Variants in UBE3A observed in about 807,000 individuals in gnomAD.
UBE3A encodes the protein ubiquitin protein ligase E3A.
UBE3A carries 6 observed loss-of-function variants against 83.4 expected under a neutral mutation model. The observed-to-expected ratio is 0.07, with a 90% CI of 0.04 to 0.14. UBE3A has a LOEUF of 0.14. Ranked by LOEUF, UBE3A falls within the 10% of genes least tolerant of loss-of-function variation. The pLI, the probability that UBE3A is intolerant of heterozygous loss-of-function variation, is 1.00. For synonymous variants in UBE3A, 337 were observed against 355.4 expected (o/e 0.95, Z 0.58); for missense variants, 456 against 1,036.1 (o/e 0.44, Z 7.69).
At chr15:25,382,348 GT>G (rs915169229) in intron 4 of UBE3A, among the ~76,000 whole-genome samples, 1 of 150,532 alleles carries the variant, frequency 6.6e-6, no homozygotes, top group South Asian at 2.1e-4. Flanking sequence ...GAAAAGAACT[GT>G]TTTTTTCATT....
At chr15:25,431,220 C>T (rs1376241392) in intron 1 of UBE3A, among the ~76,000 whole-genome samples, 1 of 152,086 alleles carries the variant, frequency 6.6e-6, no homozygotes, top group Non-Finnish European at 1.5e-5. Context: ...TAAACATGTT[C>T]AACATGTTAC....
At chr15:25,343,767 T>C (rs769731369) in intron 11 of UBE3A, among the ~76,000 whole-genome samples, 20 of 152,058 alleles carry the variant, frequency 1.3e-4, no homozygotes, top group Admixed American at 2.6e-4. Context: ...CCTTAACATA[T>C]AAAGTTTCTA....
At chr15:25,382,451 G>A (rs2082347993) in intron 4 of UBE3A, among the ~76,000 whole-genome samples, 2 of 150,764 alleles carry the variant, frequency 1.3e-5, no homozygotes. Flanking sequence ...TCTGTAAAAT[G>A]AAAATCTGTT....
chr15:25,403,962 T>C (rs1406296949), intron 4 of UBE3A, among the ~76,000 whole-genome samples: 1 of 152,160 alleles, frequency 6.6e-6, no homozygotes, highest in Non-Finnish European at 1.5e-5. Context: ...AATGAGGAAT[T>C]ATTGTTTAAT....
At chr15:25,435,701 G>A (rs963379897) in intron 1 of UBE3A, among the ~76,000 whole-genome samples, 4 of 152,146 alleles carry the variant, frequency 2.6e-5, no homozygotes, top group Admixed American at 1.3e-4. Context: ...AGAACCGTGA[G>A]AAATAAACTT....
rs1218040975 is a variant in UBE3A at position 25,340,119 on chromosome 15, T to A, written c.2464A>T (p.Met822Leu). 6.2e-7 allele frequency: 1 copy of A among 1,614,076 alleles called. No homozygotes were observed. The highest frequency in any genetic ancestry group is 1.7e-5 in the Admixed American group (1 of 60,022). Residue 822 changes from methionine (M) to leucine (L), a missense_variant, in exon 12 of 13, where the codon ATG becomes TTG. By Grantham distance (15) the Met-to-Leu change is conservative. This residue lies in a region of UBE3A where 82 missense variants were observed against 199.3 expected (regional missense o/e 0.41). Coordinates refer to ENST00000648336, the MANE Select transcript of UBE3A (RefSeq NM_130839.5). The stretch of plus-strand genomic sequence containing the variant: ...TCTGGGCCATTTTTGGCTATAATCA[T>A]CTTTAATTTTCCTAGTCCTCCCACA... ...APVGGLGKLK[M>L]IIAKNGPDTE...
In UBE3A at chr15:25,371,142, A is replaced by G. The variant is rs755119609; in HGVS notation, c.1032T>C (p.Ile344=). 2.7e-5 allele frequency: 44 copies of G among 1,614,032 alleles called. No individual in the cohort carries two copies. The highest frequency in any genetic ancestry group is 3.6e-5 in the Non-Finnish European group (43 of 1,180,014). ...ATTCATTGCTTATGACTTTATAAGT[A>G]ATAAGTTGCTGAAATGTCTCCATCA... The part of the protein sequence containing the change: ...RRMMETFQQL[I]TYKVISNEFN... Residue 344 remains isoleucine (I), a synonymous_variant, in exon 6 of 13, where the codon ATT becomes ATC. Coordinates refer to ENST00000648336, the MANE Select transcript of UBE3A (RefSeq NM_130839.5). This position sits in a 1 kb window ranked among gnomAD's most constrained non-coding sequence, Gnocchi z 5.3.
intron 6 of UBE3A, among the ~76,000 whole-genome samples, chr15:25,369,393 C>T (rs1445720387): frequency 7.8e-6 from 1 of 128,704 alleles, no homozygotes; most frequent in Non-Finnish European, 1.7e-5. Context: ...AAAAAACACA[C>T]AAAATCTCTG....
intron 4 of UBE3A, among the ~76,000 whole-genome samples, chr15:25,377,343 T>C (rs1595878830): frequency 6.6e-6 from 1 of 152,156 alleles, no homozygotes; most frequent in East Asian, 1.9e-4. Flanking sequence ...TACCACTCAC[T>C]GCATGCAAAC....
chr15:25,365,032 T>TA (rs1231728477), intron 6 of UBE3A, among the ~76,000 whole-genome samples: 1 of 152,070 alleles, frequency 6.6e-6, no homozygotes, highest in Non-Finnish European at 1.5e-5. Flanking sequence ...TGGGGAAAAA[T>TA]AAACAAAAAT....
At chr15:25,369,634 A>T (rs2079968559) in intron 6 of UBE3A, among the ~76,000 whole-genome samples, 1 of 152,144 alleles carries the variant, frequency 6.6e-6, no homozygotes, top group South Asian at 2.1e-4. Context: ...TGAAGATGAT[A>T]AAAAAGTAGC....
At chr15:25,422,262 G>A (rs1438639438) in intron 1 of UBE3A, among the ~76,000 whole-genome samples, 1 of 152,116 alleles carries the variant, frequency 6.6e-6, no homozygotes, top group African/African-American at 2.4e-5. Context: ...GTTGCCTGGG[G>A]CCAAGAGGGA....
At position 25,356,714 on chromosome 15, in the gene UBE3A, G is replaced by T. The variant is rs746286431; in HGVS notation, c.1936C>A (p.Arg646Ser). ...ACTGGGTGAGAGTCTCCCAAGTCACGAAAAGTTCCTTTTTTCCCCATTAGC... is the reference window on the plus strand; with the variant it reads ...ACTGGGTGAGAGTCTCCCAAGTCACTAAAAGTTCCTTTTTTCCCCATTAGC... ...RKLMGKKGTF[R>S]DLGDSHPVLY... Residue 646 changes from arginine to serine, a missense_variant, in exon 8 of 13, where the codon CGT becomes AGT. Physicochemically the swap from Arg to Ser is moderately radical, Grantham distance 110 (BLOSUM62 -1). Around this residue, in one of 13 missense-constraint regions of UBE3A, gnomAD observed 18 missense variants for 17.6 expected, o/e 1.02. Transcript: ENST00000648336. The T allele has an allele frequency of 4.3e-6, 7 of 1,613,154 alleles. No homozygotes were observed. In the South Asian group the frequency reaches 7.7e-5, roughly 18 times the overall value.
intron 7 of UBE3A, among the ~76,000 whole-genome samples, chr15:25,358,085 T>C (rs891980373): frequency 3.3e-5 from 5 of 151,684 alleles, no homozygotes; most frequent in East Asian, 1.9e-4. Context: ...CATTGGAAAA[T>C]TGGGGCCCGG....
At chr15:25,381,205 TG>T (rs1566996911) in intron 4 of UBE3A, among the ~76,000 whole-genome samples, 2 of 152,220 alleles carry the variant, frequency 1.3e-5, no homozygotes, top group African/African-American at 2.4e-5. Flanking sequence ...TTGTGTTCAA[TG>T]TTTTTTTAGT....
chr15:25,436,574 A>G (rs1596546096), intron 1 of UBE3A, among the ~76,000 whole-genome samples: 1 of 152,184 alleles, frequency 6.6e-6, no homozygotes. Context: ...AGATTGAAAT[A>G]GAAATGATCG....
chr15:25,392,401 A>T (rs2084610174), intron 4 of UBE3A, among the ~76,000 whole-genome samples: 1 of 152,186 alleles, frequency 6.6e-6, no homozygotes, highest in Non-Finnish European at 1.5e-5. Flanking sequence ...TGTATTCTCC[A>T]GGGATCAGCT....
chr15:25,399,784 C>T lies in UBE3A; in HGVS notation c.62+5677G>A, dbSNP rs535117712. Among the ~76,000 whole-genome samples the T allele has an allele frequency of 2.5e-4, 38 of 151,802 alleles. 1 individual carries two copies. In the South Asian group the frequency reaches 7.7e-3, roughly 31 times the overall value. On this transcript the variant is annotated intron_variant, in intron 4 of 12. Coordinates refer to ENST00000648336, the MANE Select transcript of UBE3A (RefSeq NM_130839.5). ...TTAGAGACAGGGTCTCACTATGTTG[C>T]CCAGGCTGCTCTCGAACTCCTGGTT...
At position 25,334,529 on chromosome 15, in the gene UBE3A, G is replaced by A. The variant is rs973736701; in HGVS notation, c.*4608C>T. On this transcript the variant is annotated 3_prime_UTR_variant, in exon 13 of 13. Coordinates refer to ENST00000648336, the MANE Select transcript of UBE3A (RefSeq NM_130839.5). Reference sequence around the variant, plus strand: ...TCCCTATCAAGATCCCAGCTGTTTTGCAGGAATTGACACAATGATCATATA... The same window carrying A: ...TCCCTATCAAGATCCCAGCTGTTTTACAGGAATTGACACAATGATCATATA... 4.0e-5 allele frequency: 6 copies of A among 151,426 alleles called. No homozygotes were observed. Among genetic ancestry groups the A allele is most frequent in the African/African-American group, 1.5e-4 (6 of 41,114 alleles). 9.4% of individuals were successfully genotyped at this position (151,426 alleles called of 1,614,324 possible).
Sources: gnomAD v4.1 joint callset for allele counts (sites outside exome capture counted in the v4.1 genomes callset) on GRCh38, gnomAD v4.1.1 for gene constraint, gnomAD v4.1.1 regional missense constraint, Gnocchi (gnomAD v3.1) non-coding constraint, MANE v1.5 for transcripts, NCBI Gene and HGNC (gene_info 2026-07-23, HGNC 2026-07-21) for gene names.